The following EPB41L4A variants were observed in gnomAD, a reference collection of about 807,000 sequenced individuals.
The protein encoded by EPB41L4A is erythrocyte membrane protein band 4.1 like 4A.
Under a neutral mutation model 108.6 loss-of-function variants are expected in EPB41L4A, and 100 were observed. The observed-to-expected ratio is 0.92, with a 90% CI of 0.78 to 1.09. The LOEUF is 1.09. EPB41L4A is among the 50% of genes least tolerant of loss of function. The probability of loss-of-function intolerance (pLI) is 0.00; values close to 1 mark genes in which losing one functional copy is unlikely to be tolerated. For synonymous variants in EPB41L4A, 319 were observed against 289.0 expected (o/e 1.10, Z -1.05); for missense variants, 1,030 against 842.7 (o/e 1.22, Z -2.75).
chr5:112,178,621 T>C (rs952208563), intron 18 of EPB41L4A, among the ~76,000 whole-genome samples: 7 of 151,844 alleles, frequency 4.6e-5, no homozygotes, highest in African/African-American at 1.7e-4. Flanking sequence ...AGAATAATAA[T>C]AATATTTGTA....
intron 1 of EPB41L4A, among the ~76,000 whole-genome samples, chr5:112,318,851 T>C (rs967749834): frequency 6.6e-6 from 1 of 152,206 alleles, no homozygotes; most frequent in Non-Finnish European, 1.5e-5. Flanking sequence ...ATAGGTAACA[T>C]ACGTATGTTA....
At chr5:112,225,134 C>T (rs1748361999) in intron 12 of EPB41L4A, among the ~76,000 whole-genome samples, 1 of 152,220 alleles carries the variant, frequency 6.6e-6, no homozygotes. Context: ...AGACATCCTC[C>T]ACATTCTAGA....
At chr5:112,318,955 G>A (rs1755591753) in intron 1 of EPB41L4A, among the ~76,000 whole-genome samples, 1 of 152,082 alleles carries the variant, frequency 6.6e-6, no homozygotes, top group Admixed American at 6.5e-5. Flanking sequence ...CCTTGTTTAT[G>A]GGTTACCATG....
intron 1 of EPB41L4A, among the ~76,000 whole-genome samples, chr5:112,310,726 T>A (rs1754994668): frequency 6.6e-6 from 1 of 152,164 alleles, no homozygotes; most frequent in African/African-American, 2.4e-5. Context: ...CCCGCTTTAG[T>A]CCTTTTTGTT....
At chr5:112,203,859 T>A (rs1215457560) in intron 15 of EPB41L4A, among the ~76,000 whole-genome samples, 1 of 151,908 alleles carries the variant, frequency 6.6e-6, no homozygotes, top group South Asian at 2.1e-4. Context: ...CTGACCAACA[T>A]GGAAAAACCC....
At chr5:112,291,085 A>G (rs927197453) in intron 2 of EPB41L4A, among the ~76,000 whole-genome samples, 2 of 152,186 alleles carry the variant, frequency 1.3e-5, no homozygotes, top group African/African-American at 4.8e-5. Context: ...TGGGTGTTTC[A>G]AACCCAACAT....
At chr5:112,332,317 T>C (rs1038856725) in intron 1 of EPB41L4A, among the ~76,000 whole-genome samples, 2 of 152,232 alleles carry the variant, frequency 1.3e-5, no homozygotes, top group African/African-American at 2.4e-5. Flanking sequence ...CTTAGGTGGG[T>C]AGTACTATTT....
intron 1 of EPB41L4A, among the ~76,000 whole-genome samples, chr5:112,395,338 T>C (rs2112704773): frequency 6.6e-6 from 1 of 152,266 alleles, no homozygotes; most frequent in African/African-American, 2.4e-5. Flanking sequence ...ATTTTTGCAA[T>C]CTACTCATCT....
chr5:112,329,898 C>T (rs1318786022), intron 1 of EPB41L4A, among the ~76,000 whole-genome samples: 1 of 152,034 alleles, frequency 6.6e-6, no homozygotes, highest in African/African-American at 2.4e-5. Context: ...TGGTACTCTA[C>T]CAAGCATCCT....
chr5:112,144,762 T>C (rs1413610897), intron 13 of EPB41L4A, among the ~76,000 whole-genome samples: 1 of 152,158 alleles, frequency 6.6e-6, no homozygotes, highest in African/African-American at 2.4e-5. Flanking sequence ...ATTGGGGCCA[T>C]GGGTGTTGCA....
chr5:112,268,638 C>G (rs534390387), intron 4 of EPB41L4A, among the ~76,000 whole-genome samples: 2 of 151,706 alleles, frequency 1.3e-5, no homozygotes, highest in Admixed American at 1.3e-4. Context: ...TTGCTTGAGG[C>G]CAAGAGTTTG....
intron 1 of EPB41L4A, among the ~76,000 whole-genome samples, chr5:112,402,785 TC>T (rs1253698957): frequency 6.6e-6 from 1 of 152,162 alleles, no homozygotes; most frequent in Non-Finnish European, 1.5e-5. Flanking sequence ...GCAAGGCACA[TC>T]TTCTTGAATA....
intron 1 of EPB41L4A, among the ~76,000 whole-genome samples, chr5:112,401,282 C>A (rs1051534130): frequency 3.9e-5 from 6 of 152,154 alleles, no homozygotes; most frequent in African/African-American, 1.4e-4. Flanking sequence ...ACCTTCAGAG[C>A]TAGAAAAAAG....
At chr5:112,332,299 C>T (rs940141232) in intron 1 of EPB41L4A, among the ~76,000 whole-genome samples, 3 of 152,220 alleles carry the variant, frequency 2.0e-5, no homozygotes, top group African/African-American at 4.8e-5. Flanking sequence ...CTTGATGAAA[C>T]ATACACCCTT....
Position 112,219,149 on chromosome 5 carries a change from T to C in EPB41L4A, c.1088-9167A>G, listed in dbSNP as rs55833722. 5.8e-3 allele frequency among the ~76,000 whole-genome samples: 884 copies of C among 152,320 alleles called. 3 individuals carry two copies. Among genetic ancestry groups the C allele is most frequent in the Middle Eastern group, 0.01 (3 of 294 alleles). ...GTTTTGAATTTGAAAGTTGATATGG[T>C]TTGGCTGTGTCCCCAACTCAAATCT... On this transcript the variant is annotated intron_variant, in intron 12 of 22. Coordinates refer to ENST00000261486, the MANE Select transcript of EPB41L4A (RefSeq NM_022140.5).
intron 1 of EPB41L4A, among the ~76,000 whole-genome samples, chr5:112,349,903 C>G (rs1757933703): frequency 6.6e-6 from 1 of 152,068 alleles, no homozygotes; most frequent in African/African-American, 2.4e-5. Flanking sequence ...ATGACATGGC[C>G]CAAAGTTAGG....
intron 17 of EPB41L4A, among the ~76,000 whole-genome samples, chr5:112,186,408 GA>G (rs1183222348): frequency 1.3e-4 from 20 of 152,248 alleles, no homozygotes; most frequent in African/African-American, 4.8e-4. Flanking sequence ...TAAAACTCCT[GA>G]GACATAAGCA....
At chr5:112,187,751 A>G (rs900308470) in intron 17 of EPB41L4A, among the ~76,000 whole-genome samples, 3 of 152,184 alleles carry the variant, frequency 2.0e-5, no homozygotes, top group Admixed American at 1.3e-4. Flanking sequence ...ACCTTTCTTT[A>G]CATAAGTTCT....
At chr5:112,304,225 C>T (rs12515435) in intron 2 of EPB41L4A, among the ~76,000 whole-genome samples, 6,283 of 152,214 alleles carry the variant, frequency 0.041, 496 homozygotes, top group East Asian at 0.33. Context: ...GACCCAGGAC[C>T]TAATTCTCAA....
Sources: allele counts gnomAD v4.1 joint callset (sites outside exome capture counted in the v4.1 genomes callset), GRCh38; gene constraint gnomAD v4.1.1; transcripts MANE v1.5; gene names NCBI Gene and HGNC (gene_info 2026-07-23, HGNC 2026-07-21).